GABBR2: variants seen among roughly 807,000 people sequenced by gnomAD.
The protein encoded by GABBR2 is G-protein coupled receptor 51.
GABBR2 carries 23 observed loss-of-function variants against 105.6 expected under a neutral mutation model. That is an observed-to-expected ratio of 0.22 (90% CI 0.16 to 0.31). The LOEUF (loss-of-function observed/expected upper bound fraction) is 0.31. Among genes scored for constraint, GABBR2 ranks in the 10% least tolerant of loss-of-function variants. GABBR2 has a pLI of 1.00. For synonymous variants in GABBR2, 478 were observed against 499.7 expected (o/e 0.96, Z 0.58); for missense variants, 734 against 1,245.5 (o/e 0.59, Z 6.18).
In GABBR2 at chr9:98,429,121, G is replaced by GGTGTGTGTGTGTGTGTGTGT. The variant is rs56248488; in HGVS notation, c.1237-23000_1237-22981dup. Among the ~76,000 whole-genome samples the GGTGTGTGTGTGTGTGTGTGT allele has an allele frequency of 4.1e-3, 600 of 145,566 alleles. 1 individual carries two copies. Among genetic ancestry groups the GGTGTGTGTGTGTGTGTGTGT allele is most frequent in the East Asian group, 7.4e-3 (36 of 4,880 alleles). On this transcript the variant is annotated intron_variant, in intron 7 of 18. Coordinates refer to ENST00000259455, the MANE Select transcript of GABBR2 (RefSeq NM_005458.8). ...AAATTAAAAACTCACCCAGGTTTTT[G>GGTGTGTGTGTGTGTGTGTGT]GTGTGTGTGTGTGTGTGTGTGTGTG...
chr9:98,552,935 A>G (rs1828516770), intron 2 of GABBR2, among the ~76,000 whole-genome samples: 1 of 151,994 alleles, frequency 6.6e-6, no homozygotes, highest in Non-Finnish European at 1.5e-5. Context: ...GGGGTACAGT[A>G]GCATGATCAT....
intron 3 of GABBR2, among the ~76,000 whole-genome samples, chr9:98,508,714 G>A (rs1827568039): frequency 6.6e-6 from 1 of 152,238 alleles, no homozygotes; most frequent in African/African-American, 2.4e-5. Context: ...CGAGGCTGGG[G>A]GAGGGGCGCC....
chr9:98,464,964 G>A (rs1367505668), intron 6 of GABBR2, among the ~76,000 whole-genome samples: 16 of 151,706 alleles, frequency 1.1e-4, no homozygotes, highest in Admixed American at 5.3e-4. Flanking sequence ...TCAAGTACCC[G>A]GGGACACAAA....
intron 1 of GABBR2, among the ~76,000 whole-genome samples, chr9:98,635,525 T>C (rs532305099): frequency 3.1e-4 from 47 of 152,150 alleles, no homozygotes; most frequent in Non-Finnish European, 5.1e-4. Flanking sequence ...GCATGACTCA[T>C]TTACCTGTCA....
At chr9:98,687,310 A>T (rs575940578) in intron 1 of GABBR2, among the ~76,000 whole-genome samples, 7 of 151,970 alleles carry the variant, frequency 4.6e-5, no homozygotes, top group African/African-American at 1.4e-4. Context: ...GGCTGAACCA[A>T]CCGGACAGGA....
In GABBR2 at chr9:98,409,115, C is replaced by T. The variant is rs971448230; in HGVS notation, c.1237-2974G>A. ...TGGAATGTTCAAGGAACAGAAAAGG[C>T]CAGCATGGCCGGAACACAGTGAGGG... On this transcript the variant is annotated intron_variant, in intron 7 of 18. Coordinates refer to ENST00000259455, the MANE Select transcript of GABBR2 (RefSeq NM_005458.8). 7.9e-5 allele frequency among the ~76,000 whole-genome samples: 12 copies of T among 152,202 alleles called. 1 individual carries two copies.
At chr9:98,492,744 C>T (rs1827203242) in intron 4 of GABBR2, among the ~76,000 whole-genome samples, 1 of 152,026 alleles carries the variant, frequency 6.6e-6, no homozygotes, top group Admixed American at 6.6e-5. Flanking sequence ...TGATGTTTTT[C>T]TCATGGTTAG....
At chr9:98,622,448 A>G (rs1230682650) in intron 1 of GABBR2, among the ~76,000 whole-genome samples, 2 of 152,130 alleles carry the variant, frequency 1.3e-5, no homozygotes, top group Non-Finnish European at 2.9e-5. Flanking sequence ...CCCATATTTT[A>G]TAACTACCAA....
chr9:98,361,534 C>T (rs1348256229), intron 13 of GABBR2, among the ~76,000 whole-genome samples: 1 of 152,182 alleles, frequency 6.6e-6, no homozygotes, highest in Non-Finnish European at 1.5e-5. Context: ...GGGGCATTCC[C>T]TTGGGATGAA....
chr9:98,523,179 T>A (rs1390868092), intron 3 of GABBR2, among the ~76,000 whole-genome samples: 2 of 151,954 alleles, frequency 1.3e-5, no homozygotes, highest in African/African-American at 4.8e-5. Context: ...AATATGCAAA[T>A]TAAGAAATTA....
chr9:98,391,370 G>A (rs1376285905), intron 9 of GABBR2, among the ~76,000 whole-genome samples: 1 of 152,154 alleles, frequency 6.6e-6, no homozygotes, highest in Non-Finnish European at 1.5e-5. Flanking sequence ...GGTGTTAAGT[G>A]GCTCTTACAG....
At chr9:98,658,389 T>TTGAATGAATGAATGAATGAA (rs3032163) in intron 1 of GABBR2, among the ~76,000 whole-genome samples, 1 of 149,592 alleles carries the variant, frequency 6.7e-6, no homozygotes, top group East Asian at 2.0e-4. Context: ...AGCCACTGTG[T>TTGAATGAATGAATGAATGAA]TGAATGAATG....
intron 11 of GABBR2, among the ~76,000 whole-genome samples, chr9:98,372,332 AC>A (rs374691638): frequency 2.4e-4 from 36 of 152,228 alleles, no homozygotes; most frequent in African/African-American, 8.4e-4. Context: ...TACCCAGGAG[AC>A]GTGCACATCT....
At chr9:98,480,579 A>C (rs1297800069) in intron 5 of GABBR2, among the ~76,000 whole-genome samples, 1 of 152,200 alleles carries the variant, frequency 6.6e-6, no homozygotes, top group Non-Finnish European at 1.5e-5. Flanking sequence ...TTTGTCCCTA[A>C]CCTAAGACTC....
chr9:98,516,075 G>C (rs956734055), intron 3 of GABBR2: 1 of 152,488 alleles, frequency 6.6e-6, no homozygotes, highest in African/African-American at 2.4e-5. Flanking sequence ...CAGGCCCTGG[G>C]GAGTTGAGAC....
intron 1 of GABBR2, among the ~76,000 whole-genome samples, chr9:98,589,970 C>G (rs921145749): frequency 2.0e-5 from 3 of 152,296 alleles, no homozygotes; most frequent in South Asian, 4.2e-4. Context: ...ATCAAGCAAT[C>G]CTCCCACCTT....
chr9:98,654,225 G>A (rs1830148041), intron 1 of GABBR2, among the ~76,000 whole-genome samples: 3 of 152,226 alleles, frequency 2.0e-5, no homozygotes, highest in Middle Eastern at 3.4e-3. Context: ...CTGACACCAC[G>A]GTGCGCTCTA....
Position 98,492,349 on chromosome 9 carries a change from TAAAAAAAAA to T in GABBR2, c.732+4055_732+4063del, listed in dbSNP as rs574771107. On this transcript the variant is annotated intron_variant, in intron 4 of 18. Transcript: ENST00000259455. ...GAGCCCGCTTAAGTTTGTTTCCTAG[TAAAAAAAAA>T]AAAAAAAAAAAAAAAAAAATTCTTA... 2.2e-3 allele frequency among the ~76,000 whole-genome samples: 63 copies of T among 29,226 alleles called. 1 individual carries two copies. Among genetic ancestry groups the T allele is most frequent in the South Asian group, 0.01 (3 of 290 alleles). 19.2% of individuals were successfully genotyped at this position (29,226 alleles called of 152,430 possible). A position where few individuals can be genotyped will look rare whatever the true frequency, so the allele number is the denominator to read the frequency against.
intron 9 of GABBR2, among the ~76,000 whole-genome samples, chr9:98,393,356 C>CATCCATCCATCCATCCATCCATCT: frequency 6.6e-6 from 1 of 151,166 alleles, no homozygotes. Flanking sequence ...TCCATCCATC[C>CATCCATCCATCCATCCATCCATCT]ATCCATCCAT....
Sources: gnomAD v4.1 joint callset for allele counts (sites outside exome capture counted in the v4.1 genomes callset) on GRCh38, gnomAD v4.1.1 for gene constraint, MANE v1.5 for transcripts, NCBI Gene and HGNC (gene_info 2026-07-23, HGNC 2026-07-21) for gene names.